VIT: variants seen among roughly 807,000 people sequenced by gnomAD.
The protein encoded by VIT is vitrin.
Under a neutral mutation model 78.0 loss-of-function variants are expected in VIT, and 99 were observed. The ratio of observed to expected loss-of-function variants is 1.27; its 90% confidence interval spans 1.08 to 1.50. VIT has a LOEUF of 1.50. Among genes scored for constraint, VIT ranks in the 40% most tolerant of loss-of-function variants. The pLI is 0.00. For missense variants in VIT, 1,126 were observed against 875.3 expected (o/e 1.29, Z -3.61); for synonymous variants, 374 against 334.3 (o/e 1.12, Z -1.29).
intron 2 of VIT, among the ~76,000 whole-genome samples, chr2:36,721,251 T>C (rs934735108): frequency 1.3e-5 from 2 of 152,158 alleles, no homozygotes; most frequent in Non-Finnish European, 2.9e-5. Context: ...ATCATAAATA[T>C]AGACAATTTT....
At chr2:36,744,349 A>G (rs1039806981) in intron 4 of VIT, among the ~76,000 whole-genome samples, 32 of 152,192 alleles carry the variant, frequency 2.1e-4, no homozygotes, top group Non-Finnish European at 7.3e-5. Flanking sequence ...ATAGTCAGCA[A>G]TGGGATTGCT....
intron 2 of VIT, among the ~76,000 whole-genome samples, chr2:36,724,244 T>G (rs1166199215): frequency 6.6e-6 from 1 of 152,086 alleles, no homozygotes; most frequent in Admixed American, 6.6e-5. Context: ...CACTGGATTT[T>G]TAAGGACTGA....
intron 4 of VIT, among the ~76,000 whole-genome samples, chr2:36,749,231 G>A (rs998030575): frequency 6.6e-6 from 1 of 152,180 alleles, no homozygotes; most frequent in Non-Finnish European, 1.5e-5. Context: ...AGGCCCAAAA[G>A]TTTGGAGGAA....
rs777168694 is a variant in VIT, at chr2:36,814,280, C to T, written c.2001C>T (p.Asp667=). ...CCAGAGACCACTCCTTCTTTGTGGA[C>T]GAGTTTGACAACCTCCATCAGTATG... ...HPARDHSFFV[D]EFDNLHQYVP... Residue 667 remains aspartate, a synonymous_variant, in exon 16 of 16, where the codon GAC becomes GAT. Transcript: ENST00000379242. 27 of 1,614,084 alleles carry T rather than the reference C, an allele frequency of 1.7e-5. No homozygotes were observed. The highest frequency in any genetic ancestry group is 3.3e-5 in the Admixed American group (2 of 60,010).
At chr2:36,788,223 G>A (rs1572541066) in intron 12 of VIT, among the ~76,000 whole-genome samples, 6 of 152,070 alleles carry the variant, frequency 3.9e-5, no homozygotes, top group Admixed American at 1.3e-4. Flanking sequence ...TTAGAAGTGC[G>A]GTCACAGCTT....
At position 36,769,835 on chromosome 2, in the gene VIT, A is replaced by G. The variant is rs570036467; in HGVS notation, c.679+2550A>G. Among the ~76,000 whole-genome samples the G allele has an allele frequency of 2.0e-4, 30 of 152,236 alleles. No homozygotes were observed. In the South Asian group the frequency reaches 5.8e-3, roughly 30 times the overall value. Reference sequence around the variant, plus strand: ...ATCCCGTGCCCATAAACAGTTACTCATCATTTCCCCAACCCCTCCTCCCCA... The same window carrying G: ...ATCCCGTGCCCATAAACAGTTACTCGTCATTTCCCCAACCCCTCCTCCCCA... On this transcript the variant is annotated intron_variant, in intron 7 of 15. Coordinates refer to ENST00000379242, the MANE Select transcript of VIT (RefSeq NM_053276.4).
rs777751575 is a variant in VIT at position 36,743,100 on chromosome 2, CTG to C, written c.122_123del (p.Val41AlafsTer16). On this transcript the variant is annotated frameshift_variant and splice_region_variant, in exon 4 of 16. Transcript: ENST00000379242. LOFTEE classifies it high-confidence loss of function. ...TTTTGACCTCATTTTGTATTCCCAG[CTG>C]TGCCTCAGATCAACTGCGATGTCAA... is the stretch of plus-strand genomic sequence containing the variant. 2.5e-6 allele frequency: 4 copies of C among 1,613,988 alleles called. No homozygotes were observed. In the South Asian group the frequency reaches 4.4e-5, roughly 18 times the overall value.
At chr2:36,764,324 C>T (rs901702041) in intron 6 of VIT, among the ~76,000 whole-genome samples, 1 of 152,172 alleles carries the variant, frequency 6.6e-6, no homozygotes, top group Non-Finnish European at 1.5e-5. Flanking sequence ...TGGCTTTTCC[C>T]TAGATGAAGT....
At chr2:36,794,438 C>G (rs528199249) in intron 12 of VIT, among the ~76,000 whole-genome samples, 3 of 152,130 alleles carry the variant, frequency 2.0e-5, no homozygotes, top group Non-Finnish European at 4.4e-5. Context: ...CTTTTAGTCT[C>G]CAAGTCTGAA....
intron 7 of VIT, among the ~76,000 whole-genome samples, chr2:36,768,681 C>T (rs920621965): frequency 1.3e-5 from 2 of 152,170 alleles, no homozygotes; most frequent in Admixed American, 1.3e-4. Flanking sequence ...TGGCTCTCCT[C>T]TTCCTTGCAG....
intron 9 of VIT, among the ~76,000 whole-genome samples, chr2:36,779,082 G>A (rs1272749246): frequency 1.3e-5 from 2 of 152,194 alleles, no homozygotes; most frequent in East Asian, 3.9e-4. Flanking sequence ...GCATGCTTCT[G>A]GGCCCTTTTG....
chr2:36,810,338 A>C (rs1434325171), intron 15 of VIT, among the ~76,000 whole-genome samples: 4 of 152,232 alleles, frequency 2.6e-5, no homozygotes, highest in African/African-American at 9.6e-5. Context: ...AAAAATTTCT[A>C]AGAGGGCAAC....
chr2:36,781,827 A>G (rs925460458), intron 10 of VIT, 56 bp downstream of exon 10: 2 of 1,596,530 alleles, frequency 1.3e-6, no homozygotes, highest in Non-Finnish European at 8.6e-7. Context: ...GCAGGATAGC[A>G]GAACTAAGAG....
At chr2:36,799,172 T>C (rs375265063) in intron 12 of VIT, among the ~76,000 whole-genome samples, 16 of 152,298 alleles carry the variant, frequency 1.1e-4, no homozygotes, top group African/African-American at 3.6e-4. Flanking sequence ...GGGGATAGCA[T>C]AGATCATTTT....
chr2:36,704,839 C>A (rs1309671107), intron 1 of VIT, among the ~76,000 whole-genome samples: 1 of 151,070 alleles, frequency 6.6e-6, no homozygotes, highest in Non-Finnish European at 1.5e-5. Flanking sequence ...ATCTTGCAGA[C>A]GCACCCTCAT....
At chr2:36,758,849 A>C (rs771811406) in intron 5 of VIT, 120 bp from the exon 6 acceptor site, 34 of 864,052 alleles carry the variant, frequency 3.9e-5, no homozygotes, top group Non-Finnish European at 5.9e-5. Context: ...AGCATGAGGG[A>C]GACTGATTTT....
At chr2:36,749,755 A>T (rs1381585337) in intron 4 of VIT, among the ~76,000 whole-genome samples, 2 of 152,198 alleles carry the variant, frequency 1.3e-5, no homozygotes, top group Non-Finnish European at 2.9e-5. Context: ...TGGATGCTGG[A>T]TAAAATTTCT....
chr2:36,761,122 T>C (rs1450291343), intron 6 of VIT, among the ~76,000 whole-genome samples: 3 of 152,174 alleles, frequency 2.0e-5, no homozygotes, highest in East Asian at 3.9e-4. Context: ...TGTTGCTGTA[T>C]TGCACACGTG....
At chr2:36,780,241 G>A in intron 9 of VIT, among the ~76,000 whole-genome samples, 1 of 152,208 alleles carries the variant, frequency 6.6e-6, no homozygotes, top group East Asian at 1.9e-4. Flanking sequence ...AATCCCTGAT[G>A]TTGGGGGACT....
Sources: gnomAD v4.1 joint callset for allele counts (sites outside exome capture counted in the v4.1 genomes callset) on GRCh38, gnomAD v4.1.1 for gene constraint, MANE v1.5 for transcripts, NCBI Gene and HGNC (gene_info 2026-07-23, HGNC 2026-07-21) for gene names.